PRPF40B: variants seen among roughly 807,000 people sequenced by gnomAD.
The protein encoded by PRPF40B is pre-mRNA-processing factor 40 homolog B.
A neutral mutation model predicts 124.5 loss-of-function variants in PRPF40B; 56 were observed. That is an observed-to-expected ratio of 0.45 (90% CI 0.36 to 0.56). PRPF40B has a LOEUF of 0.56. PRPF40B is among the 20% of genes least tolerant of loss of function. The pLI, the probability that PRPF40B is intolerant of heterozygous loss-of-function variation, is 0.00. For synonymous variants in PRPF40B, 443 were observed against 426.4 expected (o/e 1.04, Z -0.48); for missense variants, 1,053 against 1,169.5 (o/e 0.90, Z 1.45).
At chr12:49,638,915 AC>A (rs1187752669) in intron 18 of PRPF40B, 4 of 152,246 alleles carry the variant, frequency 2.6e-5, no homozygotes, top group Non-Finnish European at 5.9e-5. Flanking sequence ...TCTTTGAAGT[AC>A]TGTTTTGCCT....
In PRPF40B at chr12:49,634,602, G is replaced by A. The variant is rs1465879328; in HGVS notation, c.1001G>A (p.Ser334Asn). The A allele has an allele frequency of 6.2e-7, 1 of 1,614,142 alleles. No individual in the cohort carries two copies. The highest frequency in any genetic ancestry group is 1.7e-5 in the Admixed American group (1 of 60,022). Residue 334 changes from serine to asparagine, a missense_variant and splice_region_variant, in exon 12 of 26, where the codon AGT (serine) becomes AAT (asparagine). This residue lies in a region of PRPF40B where 895 missense variants were observed against 1,052.2 expected (regional missense o/e 0.85). Coordinates refer to ENST00000548825, the MANE Select transcript of PRPF40B (RefSeq NM_001031698.3). ...ATGGTGGTCACCGACCCCCGTTACA[G>A]GTAGGCCTGGGCAGAGGGAGCCAGG... ...MKMVVTDPRY[S>N]ALPKLSEKKQ...
Position 49,632,605 on chromosome 12 carries a change from G to A in PRPF40B, c.304G>A (p.Gly102Ser), listed in dbSNP as rs767249120. 1 of 1,613,770 alleles carries A rather than the reference G, an allele frequency of 6.2e-7. No individual in the cohort carries two copies. The highest frequency in any genetic ancestry group is 1.7e-5 in the Admixed American group (1 of 59,976). The change falls in exon 5 of 26, where the codon GGT becomes AGT. Residue 102 changes from glycine to serine, a missense_variant. Transcript: ENST00000548825. ...AVPVTAATAP[G>S]ADTASSAVAG... ...CCTCTTTCTTCGGCAGACGGCTCCGGGTGCGGACACCGCCAGCTGTGAGTC... is the reference window on the plus strand; with the variant it reads ...CCTCTTTCTTCGGCAGACGGCTCCGAGTGCGGACACCGCCAGCTGTGAGTC...
Position 49,642,544 on chromosome 12 carries a change from G to T in PRPF40B, c.2023-36G>T, listed in dbSNP as rs976620630. 1 of 1,609,528 alleles carries T rather than the reference G, an allele frequency of 6.2e-7. No individual in the cohort carries two copies. The highest frequency in any genetic ancestry group is 8.5e-7 in the Non-Finnish European group (1 of 1,176,036). On this transcript the variant is annotated intron_variant, in intron 20 of 25. Transcript: ENST00000548825. This position sits in a 1 kb window ranked among gnomAD's most constrained non-coding sequence, Gnocchi z 5.8. ...GCGGTGTCCAGGCCAGGCTGAGTGG[G>T]GCCTAGTCTGATCAGCAGTGCTCTC...
chr12:49,635,751 C>G lies in PRPF40B; in HGVS notation c.1276-92C>G. ...TGAGTATGGCCTTCTTCCTAGGGTTCCCTAGCTACCTTTCCCCAGGTCCTC... is the reference window on the plus strand; with the variant it reads ...TGAGTATGGCCTTCTTCCTAGGGTTGCCTAGCTACCTTTCCCCAGGTCCTC... On this transcript the variant is annotated intron_variant, in intron 14 of 25. Transcript: ENST00000548825. The surrounding 1 kb of genome is among the most constrained non-coding windows in gnomAD (Gnocchi z 4.1). 1 of 1,496,548 alleles carries G rather than the reference C, an allele frequency of 6.7e-7. No homozygotes were observed. 92.7% of individuals were successfully genotyped at this position (1,496,548 alleles called of 1,614,324 possible).
chr12:49,633,255 T>C lies in PRPF40B; in HGVS notation c.459+131T>C, dbSNP rs1306406784. ...CAAGGTCCCTGACCATTCCTCACCCTCCCTGGAAATGCCTCCATAGGATCT... is the reference window on the plus strand; with the variant it reads ...CAAGGTCCCTGACCATTCCTCACCCCCCCTGGAAATGCCTCCATAGGATCT... On this transcript the variant is annotated intron_variant, in intron 7 of 25. Coordinates refer to ENST00000548825, the MANE Select transcript of PRPF40B (RefSeq NM_001031698.3). 2.4e-6 allele frequency: 3 copies of C among 1,241,694 alleles called. No individual in the cohort carries two copies. In the East Asian group the frequency reaches 7.0e-5, roughly 29 times the overall value. The allele number at this position is 1,241,694 out of a possible 1,614,324, so 76.9% of individuals were successfully genotyped here. A position where few individuals can be genotyped will look rare whatever the true frequency, so the allele number is the denominator to read the frequency against.
intron 18 of PRPF40B, chr12:49,638,793 C>CT (rs1399402354): frequency 1.8e-4 from 28 of 152,250 alleles, no homozygotes; most frequent in African/African-American, 6.7e-4. Context: ...GTTTCCTCAT[C>CT]TAAAAAATGG....
At chr12:49,637,712 C>G in intron 17 of PRPF40B, 21 bp from the exon 18 acceptor site, 1 of 1,539,300 alleles carries the variant, frequency 6.5e-7, no homozygotes, top group East Asian at 2.3e-5. Context: ...CCGCCAGGCC[C>G]CCCTCCCTCC....
intron 18 of PRPF40B, chr12:49,640,324 G>C (rs944299808): frequency 1.3e-5 from 2 of 152,192 alleles, no homozygotes; most frequent in African/African-American, 4.8e-5. Flanking sequence ...GAGAGATGAA[G>C]GATGAGATTG....
rs754716747 is a variant in PRPF40B at position 49,631,490 on chromosome 12, T to G, written c.174T>G (p.Pro58=). 6.6e-7 allele frequency: 1 copy of G among 1,506,340 alleles called. No individual in the cohort carries two copies. The highest frequency in any genetic ancestry group is 8.8e-7 in the Non-Finnish European group (1 of 1,131,694). The allele number at this position is 1,506,340 out of a possible 1,614,324, so 93.3% of individuals were successfully genotyped here. A position where few individuals can be genotyped will look rare whatever the true frequency, so the allele number is the denominator to read the frequency against. ...CACCAGCTATCCCCCCCATGCCACC[T>G]GGCATCCTGCCCCCAATGCTTCCAC... ...QRPPAIPPMP[P]GILPPMLPPM... The change falls in exon 3 of 26, where the codon CCT becomes CCG. Residue 58 remains proline (P), a synonymous_variant. Transcript: ENST00000548825. This position sits in a 1 kb window ranked among gnomAD's most constrained non-coding sequence, Gnocchi z 4.3.
At chr12:49,633,194 A>T in intron 7 of PRPF40B, 70 bp downstream of exon 7, 5 of 1,382,958 alleles carry the variant, frequency 3.6e-6, no homozygotes, top group Non-Finnish European at 5.0e-6. Context: ...GCCTTCCCTT[A>T]GTCTCTAACC....
Position 49,631,996 on chromosome 12 carries a change from C to G in PRPF40B, c.294+71C>G. ...CGTGAGTCTGACTTGGAATGCAGGACTATGACCTCCATTCTTTCCCTCTTC... is the reference window on the plus strand; with the variant it reads ...CGTGAGTCTGACTTGGAATGCAGGAGTATGACCTCCATTCTTTCCCTCTTC... On this transcript the variant is annotated intron_variant, in intron 4 of 25. Transcript: ENST00000548825. The surrounding 1 kb of genome is among the most constrained non-coding windows in gnomAD (Gnocchi z 4.3). 7.0e-7 allele frequency: 1 copy of G among 1,420,332 alleles called. No homozygotes were observed. Among genetic ancestry groups the G allele is most frequent in the Non-Finnish European group, 9.9e-7 (1 of 1,005,880 alleles). 88.0% of individuals were successfully genotyped at this position (1,420,332 alleles called of 1,614,324 possible).
intron 1 of PRPF40B, among the ~76,000 whole-genome samples, chr12:49,626,144 T>C (rs1191513366): frequency 2.0e-5 from 3 of 152,252 alleles, no homozygotes; most frequent in African/African-American, 4.8e-5. Context: ...TCACAGCCTG[T>C]ATGTCAGAGA....
chr12:49,642,707 A>C lies in PRPF40B; in HGVS notation c.2118+32A>C. 1 of 1,601,304 alleles carries C rather than the reference A, an allele frequency of 6.2e-7. No individual in the cohort carries two copies. The highest frequency in any genetic ancestry group is 1.1e-5 in the South Asian group (1 of 89,294). On this transcript the variant is annotated intron_variant, in intron 21 of 25. Transcript: ENST00000548825. This position sits in a 1 kb window ranked among gnomAD's most constrained non-coding sequence, Gnocchi z 5.8. ...CAGGCTTGTCCTCTGGATCTGCCTC[A>C]GGCCCTTGAACTCATTAGACCAGTT...
intron 23 of PRPF40B, 145 bp downstream of exon 23, chr12:49,643,542 C>G: frequency 2.2e-6 from 3 of 1,361,110 alleles, no homozygotes; most frequent in Non-Finnish European, 3.0e-6. Flanking sequence ...TCTACCTGCC[C>G]AAGCAAGAAG....
In PRPF40B at chr12:49,642,909, T is replaced by C; in HGVS notation, c.2119-21T>C. ...GCTAAGTCTGGTGCTGTCCTCACCC[T>C]TCTTCCTCTGCCTCTAGCAGACTGA... On this transcript the variant is annotated intron_variant, in intron 21 of 25. Coordinates refer to ENST00000548825, the MANE Select transcript of PRPF40B (RefSeq NM_001031698.3). The surrounding 1 kb of genome is among the most constrained non-coding windows in gnomAD (Gnocchi z 5.8). 6.2e-7 allele frequency: 1 copy of C among 1,607,426 alleles called. No individual in the cohort carries two copies. The highest frequency in any genetic ancestry group is 8.5e-7 in the Non-Finnish European group (1 of 1,176,406).
Position 49,644,251 on chromosome 12 carries a change from C to G in PRPF40B, c.*59C>G. 1 of 1,577,766 alleles carries G rather than the reference C, an allele frequency of 6.3e-7. No individual in the cohort carries two copies. The highest frequency in any genetic ancestry group is 2.2e-5 in the East Asian group (1 of 44,544). On this transcript the variant is annotated 3_prime_UTR_variant, in exon 26 of 26. Coordinates refer to ENST00000548825, the MANE Select transcript of PRPF40B (RefSeq NM_001031698.3). ...GAGGCCATGGCTCCTGGGCCACCCT[C>G]ACCGTCTGCCTCAGACTTCTTCCTT... is the stretch of plus-strand genomic sequence containing the variant.
chr12:49,638,531 G>C (rs893169946), intron 18 of PRPF40B: 1 of 152,200 alleles, frequency 6.6e-6, no homozygotes, highest in East Asian at 1.9e-4. Flanking sequence ...CTGGAGAAGA[G>C]AAATAGTTCT....
At position 49,631,518 on chromosome 12, in the gene PRPF40B, A is replaced by T; in HGVS notation, c.202A>T (p.Met68Leu). 1.3e-6 allele frequency: 2 copies of T among 1,546,954 alleles called. No individual in the cohort carries two copies. Among genetic ancestry groups the T allele is most frequent in the Non-Finnish European group, 1.7e-6 (2 of 1,153,686 alleles). The change falls in exon 3 of 26, where the codon ATG becomes TTG. Residue 68 changes from methionine (M) to leucine (L), a missense_variant. By Grantham distance (15) the Met-to-Leu change is conservative (BLOSUM62 2). Transcript: ENST00000548825. The surrounding 1 kb of genome is among the most constrained non-coding windows in gnomAD (Gnocchi z 4.3). ...CATCCTGCCCCCAATGCTTCCACCA[A>T]TGGGGGCGCCACCACCACTCACACA... ...PGILPPMLPPMGAPPPLTQIP... is the reference protein window; with the variant it reads ...PGILPPMLPPLGAPPPLTQIP...
Position 49,643,913 on chromosome 12 carries a change from A to G in PRPF40B, c.2495A>G (p.Asp832Gly). Residue 832 changes from aspartate to glycine, a missense_variant, in exon 25 of 26, where the codon GAT becomes GGT. By Grantham distance (94) the Asp-to-Gly change is moderately conservative (BLOSUM62 -1). Around this residue, in one of 2 missense-constraint regions of PRPF40B, gnomAD observed 895 missense variants for 1,052.2 expected, o/e 0.85. Coordinates refer to ENST00000548825, the MANE Select transcript of PRPF40B (RefSeq NM_001031698.3). Reference protein sequence around the residue: ...DPEEKAGKESDEKEQEQDKDR... With the variant: ...DPEEKAGKESGEKEQEQDKDR... The stretch of plus-strand genomic sequence containing the variant: ...GAGGAGAAAGCTGGCAAGGAGAGCG[A>G]TGAGAAAGAACAAGAACAGGACAAG... 6.2e-7 allele frequency: 1 copy of G among 1,614,208 alleles called. No homozygotes were observed. The highest frequency in any genetic ancestry group is 1.1e-5 in the South Asian group (1 of 91,088).
Sources: allele counts gnomAD v4.1 joint callset (sites outside exome capture counted in the v4.1 genomes callset), GRCh38; gene constraint gnomAD v4.1.1; regional missense constraint gnomAD v4.1.1; non-coding constraint Gnocchi (gnomAD v3.1); transcripts MANE v1.5; gene names NCBI Gene and HGNC (gene_info 2026-07-23, HGNC 2026-07-21).